The following EPM2A variants were observed in gnomAD, a reference collection of about 807,000 sequenced individuals.
EPM2A encodes the protein EPM2A glucan phosphatase, laforin.
In EPM2A, 21 loss-of-function variants were observed where a neutral mutation model predicts 26.5. That is an observed-to-expected ratio of 0.79 (90% CI 0.56 to 1.14). The LOEUF (loss-of-function observed/expected upper bound fraction) is 1.14, where lower values mean the gene tolerates loss of function less well. Among genes scored for constraint, EPM2A ranks in the 50% most tolerant of loss-of-function variants. The probability of loss-of-function intolerance (pLI) is 0.00; values close to 1 mark genes in which losing one functional copy is unlikely to be tolerated. For missense variants in EPM2A, 458 were observed against 440.8 expected (o/e 1.04, Z -0.35); for synonymous variants, 217 against 177.6 (o/e 1.22, Z -1.76).
chr6:145,610,559 T>C (rs1427811291), intron 2 of EPM2A, among the ~76,000 whole-genome samples: 2 of 152,242 alleles, frequency 1.3e-5, no homozygotes, highest in Non-Finnish European at 2.9e-5. Context: ...ACAAAGTCGT[T>C]GTGAGTACTC....
rs565263194 is a variant in EPM2A at position 145,683,810 on chromosome 6, C to T, written c.476+2312G>A. ...CTGCCCACCTGAGCACAGCTTGCCCCCAACACCTCTCACAGGTACAGAGGC... is the reference window on the plus strand; with the variant it reads ...CTGCCCACCTGAGCACAGCTTGCCCTCAACACCTCTCACAGGTACAGAGGC... On this transcript the variant is annotated intron_variant, in intron 2 of 3. Coordinates refer to ENST00000367519, the MANE Select transcript of EPM2A (RefSeq NM_005670.4). 7.9e-5 allele frequency among the ~76,000 whole-genome samples: 12 copies of T among 152,154 alleles called. No homozygotes were observed. The East Asian group carries it at 2.3e-3, about 29-fold the overall frequency.
At chr6:145,553,802 T>C (rs1780685725) in intron 2 of EPM2A, among the ~76,000 whole-genome samples, 2 of 147,936 alleles carry the variant, frequency 1.4e-5, no homozygotes, top group South Asian at 4.2e-4. Context: ...GTTACATATA[T>C]ATATTATTAT....
At chr6:145,464,585 T>A (rs1314588122) in intron 4 of EPM2A, among the ~76,000 whole-genome samples, 1 of 152,154 alleles carries the variant, frequency 6.6e-6, no homozygotes, top group Non-Finnish European at 1.5e-5. Flanking sequence ...TTTTCAGCTA[T>A]TTTTAGTTAT....
intron 2 of EPM2A, among the ~76,000 whole-genome samples, chr6:145,587,065 A>C (rs1232578347): frequency 1.3e-5 from 2 of 152,156 alleles, no homozygotes; most frequent in Admixed American, 6.5e-5. Context: ...ATCCTCTTGA[A>C]ATATTTTTAT....
At chr6:145,410,074 C>A (rs962727015) in intron 4 of EPM2A, among the ~76,000 whole-genome samples, 3 of 152,082 alleles carry the variant, frequency 2.0e-5, no homozygotes, top group Non-Finnish European at 4.4e-5. Context: ...ATGTCGGGAG[C>A]CTTCTTGGAT....
At chr6:145,551,134 GT>G (rs1477984305) in intron 2 of EPM2A, among the ~76,000 whole-genome samples, 1 of 151,916 alleles carries the variant, frequency 6.6e-6, no homozygotes, top group Non-Finnish European at 1.5e-5. Context: ...TTTGATTTCT[GT>G]TTTCAATGAT....
intron 2 of EPM2A, chr6:145,639,970 T>C (rs1776969033): frequency 6.6e-6 from 1 of 152,190 alleles, no homozygotes; most frequent in South Asian, 2.1e-4. Context: ...GGGGAAAGAA[T>C]AGATGGCTGA....
Position 145,627,590 on chromosome 6 carries a change from G to A in EPM2A, c.822C>T (p.Thr274=), listed in dbSNP as rs763812238. 8 of 1,614,108 alleles carry A rather than the reference G, an allele frequency of 5.0e-6. No homozygotes were observed. Among genetic ancestry groups the A allele is most frequent in the African/African-American group, 2.7e-5 (2 of 74,948 alleles). Residue 274 remains threonine (T), a synonymous_variant, in exon 4 of 4, where the codon ACC becomes ACT. Coordinates refer to ENST00000367519, the MANE Select transcript of EPM2A (RefSeq NM_005670.4). The part of the protein sequence containing the change: ...VHCNAGVGRS[T]AAVCGWLQYV... The stretch of plus-strand genomic sequence containing the variant: ...ACTGGAGCCAGCCGCAGACAGCCGC[G>A]GTGGAGCGGCCCACCCCAGCGTTGC...
intron 4 of EPM2A, among the ~76,000 whole-genome samples, chr6:145,465,833 G>A (rs1225298943): frequency 4.6e-5 from 7 of 152,030 alleles, no homozygotes; most frequent in South Asian, 2.1e-4. Flanking sequence ...AAATAACGCC[G>A]CATATCTACA....
intron 2 of EPM2A, among the ~76,000 whole-genome samples, chr6:145,609,957 C>T (rs1387810663): frequency 6.6e-6 from 1 of 152,210 alleles, no homozygotes; most frequent in East Asian, 1.9e-4. Context: ...TGGCTCATGC[C>T]TGTAATCCCA....
At chr6:145,483,528 A>G (rs550814419) in intron 4 of EPM2A, among the ~76,000 whole-genome samples, 2 of 152,260 alleles carry the variant, frequency 1.3e-5, no homozygotes, top group Non-Finnish European at 2.9e-5. Context: ...ATATTATTTC[A>G]TTTATTCTCT....
At chr6:145,658,321 T>C (rs1778443104) in intron 2 of EPM2A, among the ~76,000 whole-genome samples, 1 of 152,238 alleles carries the variant, frequency 6.6e-6, no homozygotes, top group Non-Finnish European at 1.5e-5. Flanking sequence ...TTTATGGCCT[T>C]CTTATTTTTA....
At chr6:145,672,118 A>T (rs1779688361) in intron 2 of EPM2A, among the ~76,000 whole-genome samples, 1 of 152,220 alleles carries the variant, frequency 6.6e-6, no homozygotes, top group South Asian at 2.1e-4. Flanking sequence ...ATTGATTTTT[A>T]AAATCTCATT....
intron 2 of EPM2A, among the ~76,000 whole-genome samples, chr6:145,603,279 T>TAAA (rs35392511): frequency 4.8e-5 from 7 of 146,024 alleles, no homozygotes; most frequent in East Asian, 2.0e-4. Flanking sequence ...ATCTCTAAAT[T>TAAA]AAAAAAAAAA....
chr6:145,406,478 G>A (rs1459645737), intron 4 of EPM2A, among the ~76,000 whole-genome samples: 1 of 152,168 alleles, frequency 6.6e-6, no homozygotes, highest in African/African-American at 2.4e-5. Context: ...ACGTGTGAAA[G>A]TGGTAGTAAG....
chr6:145,485,182 T>C (rs1195952228), intron 4 of EPM2A, among the ~76,000 whole-genome samples: 2 of 151,740 alleles, frequency 1.3e-5, no homozygotes, highest in East Asian at 1.9e-4. Flanking sequence ...TATATAAAAT[T>C]GCAATAGAAA....
At chr6:145,638,054 T>C (rs192474176) in intron 2 of EPM2A, 2 of 152,300 alleles carry the variant, frequency 1.3e-5, no homozygotes, top group African/African-American at 2.4e-5. Flanking sequence ...TATTTGTTTG[T>C]TTGTTTTTTT....
intron 4 of EPM2A, among the ~76,000 whole-genome samples, chr6:145,422,265 T>C (rs1382067515): frequency 6.8e-6 from 1 of 147,236 alleles, no homozygotes; most frequent in Non-Finnish European, 1.5e-5. Flanking sequence ...TAACTATATA[T>C]AATTATAGAT....
chr6:145,446,809 C>G (rs1350109184), intron 4 of EPM2A, among the ~76,000 whole-genome samples: 1 of 152,068 alleles, frequency 6.6e-6, no homozygotes, highest in Non-Finnish European at 1.5e-5. Context: ...AGAAATTGTA[C>G]ACAGTATGTC....
Sources: allele counts gnomAD v4.1 joint callset (sites outside exome capture counted in the v4.1 genomes callset), GRCh38; gene constraint gnomAD v4.1.1; transcripts MANE v1.5; gene names NCBI Gene and HGNC (gene_info 2026-07-23, HGNC 2026-07-21).